The following ACAP2 variants were observed in gnomAD, a reference collection of about 807,000 sequenced individuals.
ACAP2 encodes the protein ArfGAP with coiled-coil, ankyrin repeat and PH domains 2, also known as arf-GAP with coiled-coil, ANK repeat and PH domain-containing protein 2.
A neutral mutation model predicts 115.8 loss-of-function variants in ACAP2; 39 were observed. The ratio of observed to expected loss-of-function variants is 0.34; its 90% confidence interval spans 0.26 to 0.44. The LOEUF is 0.44. ACAP2 is among the 20% of genes least tolerant of loss of function. ACAP2 has a pLI of 1.00. For synonymous variants in ACAP2, 289 were observed against 315.8 expected (o/e 0.92, Z 0.90); for missense variants, 662 against 927.6 (o/e 0.71, Z 3.72).
intron 21 of ACAP2, among the ~76,000 whole-genome samples, chr3:195,286,844 A>G (rs1378870908): frequency 6.6e-6 from 1 of 152,264 alleles, no homozygotes; most frequent in Admixed American, 6.5e-5. Flanking sequence ...CCACTGCTAT[A>G]TAGGTATTGC....
chr3:195,365,918 C>T (rs13324903), intron 4 of ACAP2, among the ~76,000 whole-genome samples: 79,798 of 150,876 alleles, frequency 0.53, 22,429 homozygotes, highest in East Asian at 0.89. Context: ...CTTAGCTCAC[C>T]GCAACCTGCA....
chr3:195,389,009 G>C (rs1192477828), intron 2 of ACAP2, among the ~76,000 whole-genome samples: 2 of 149,160 alleles, frequency 1.3e-5, no homozygotes, highest in Non-Finnish European at 3.0e-5. Flanking sequence ...GGGTGACAGA[G>C]CAAGAATCCA....
chr3:195,388,778 T>G (rs930624053), intron 2 of ACAP2, among the ~76,000 whole-genome samples: 2 of 152,204 alleles, frequency 1.3e-5, no homozygotes, highest in Non-Finnish European at 2.9e-5. Context: ...TCCCAGCACT[T>G]TGGGAGGCCA....
In ACAP2 at chr3:195,341,355, C is replaced by T. The variant is rs1436609520; in HGVS notation, c.528+1116G>A. On this transcript the variant is annotated intron_variant, in intron 6 of 22. Coordinates refer to ENST00000326793, the MANE Select transcript of ACAP2 (RefSeq NM_012287.6). ...TTTTTTTTTTTTTGAGACGGAGTCT[C>T]GCTCTGTCACCCAGGCTGGAGTGCA... 4.3e-5 allele frequency among the ~76,000 whole-genome samples: 5 copies of T among 116,330 alleles called. No individual in the cohort carries two copies. In the South Asian group the frequency reaches 1.5e-3, roughly 35 times the overall value. 76.3% of individuals were successfully genotyped at this position (116,330 alleles called of 152,430 possible). A position where few individuals can be genotyped will look rare whatever the true frequency, so the allele number is the denominator to read the frequency against.
At chr3:195,350,196 A>G (rs530332512) in intron 4 of ACAP2, among the ~76,000 whole-genome samples, 1 of 152,328 alleles carries the variant, frequency 6.6e-6, no homozygotes, top group African/African-American at 2.4e-5. Context: ...TTCCACTCCA[A>G]ATCTCAGTAG....
chr3:195,373,882 G>A (rs1577375952), intron 4 of ACAP2, among the ~76,000 whole-genome samples: 1 of 152,012 alleles, frequency 6.6e-6, no homozygotes. Flanking sequence ...CCGAGATCAC[G>A]CCATTGCACT....
At chr3:195,380,883 G>C (rs1358527959) in intron 4 of ACAP2, 126 bp downstream of exon 4, 1 of 780,566 alleles carries the variant, frequency 1.3e-6, no homozygotes, top group Non-Finnish European at 2.1e-6. Context: ...GATTCACCCA[G>C]CTAAAAAGTT....
intron 4 of ACAP2, among the ~76,000 whole-genome samples, chr3:195,375,886 C>T (rs1202321098): frequency 6.6e-6 from 1 of 152,152 alleles, no homozygotes; most frequent in Non-Finnish European, 1.5e-5. Flanking sequence ...AAGCTGCATT[C>T]AGCAAAGATA....
intron 4 of ACAP2, among the ~76,000 whole-genome samples, chr3:195,363,399 T>C (rs576980949): frequency 2.0e-5 from 3 of 152,104 alleles, no homozygotes; most frequent in Admixed American, 1.3e-4. Flanking sequence ...TCCCAGCACT[T>C]TGGGAGGCTG....
chr3:195,348,985 A>T (rs1731362313), intron 4 of ACAP2, among the ~76,000 whole-genome samples: 1 of 152,212 alleles, frequency 6.6e-6, no homozygotes, highest in Admixed American at 6.5e-5. Flanking sequence ...AATAAAAAGC[A>T]TACAGATTAG....
chr3:195,325,418 T>C, intron 9 of ACAP2: 1 of 244,206 alleles, frequency 4.1e-6, no homozygotes, highest in Non-Finnish European at 8.8e-6. Context: ...GGACTGATTT[T>C]TTTTTTTTTT....
chr3:195,383,521 A>G (rs1734085128), intron 2 of ACAP2, among the ~76,000 whole-genome samples: 1 of 152,064 alleles, frequency 6.6e-6, no homozygotes, highest in Non-Finnish European at 1.5e-5. Flanking sequence ...TTAATTATAG[A>G]TAAAGATTTA....
At position 195,381,073 on chromosome 3, in the gene ACAP2, A is replaced by T; in HGVS notation, c.232-11T>A. On this transcript the variant is annotated splice_polypyrimidine_tract_variant and intron_variant, in intron 3 of 22. Coordinates refer to ENST00000326793, the MANE Select transcript of ACAP2 (RefSeq NM_012287.6). The stretch of plus-strand genomic sequence containing the variant: ...CTTGGTCAAACTTGTCTATGAGAAA[A>T]AAAGCAAAAGAAAACCAAATCATTT... The T allele has an allele frequency of 6.3e-7, 1 of 1,588,686 alleles. No individual in the cohort carries two copies. Among genetic ancestry groups the T allele is most frequent in the Non-Finnish European group, 8.5e-7 (1 of 1,174,024 alleles).
At chr3:195,416,457 A>C (rs1327681708) in intron 1 of ACAP2, among the ~76,000 whole-genome samples, 3 of 152,104 alleles carry the variant, frequency 2.0e-5, no homozygotes, top group African/African-American at 7.2e-5. Flanking sequence ...CTGGCCATAC[A>C]AAACATAGGA....
At chr3:195,418,985 T>C (rs761614958) in intron 1 of ACAP2, among the ~76,000 whole-genome samples, 7 of 152,212 alleles carry the variant, frequency 4.6e-5, no homozygotes, top group African/African-American at 1.2e-4. Flanking sequence ...TGTATTGTTT[T>C]CTATTCTGTT....
intron 10 of ACAP2, among the ~76,000 whole-genome samples, chr3:195,315,916 T>C (rs1443034370): frequency 2.0e-5 from 3 of 152,228 alleles, no homozygotes; most frequent in Non-Finnish European, 4.4e-5. Flanking sequence ...CAAAATCGAC[T>C]TCCTTCTATT....
intron 1 of ACAP2, among the ~76,000 whole-genome samples, chr3:195,395,089 G>A (rs1274010176): frequency 2.6e-5 from 4 of 151,430 alleles, no homozygotes; most frequent in Non-Finnish European, 5.9e-5. Context: ...ACTAATAAGT[G>A]AAATAAAAGA....
At chr3:195,348,637 T>G (rs966608286) in intron 4 of ACAP2, among the ~76,000 whole-genome samples, 2 of 152,164 alleles carry the variant, frequency 1.3e-5, no homozygotes, top group Non-Finnish European at 2.9e-5. Context: ...CATGACCGAC[T>G]GGGATATATT....
chr3:195,407,034 A>G (rs891453973), intron 1 of ACAP2, among the ~76,000 whole-genome samples: 1 of 152,056 alleles, frequency 6.6e-6, no homozygotes, highest in Non-Finnish European at 1.5e-5. Flanking sequence ...AAAGGATCCT[A>G]TGAGAGAGAG....
Sources: allele counts gnomAD v4.1 joint callset (sites outside exome capture counted in the v4.1 genomes callset), GRCh38; gene constraint gnomAD v4.1.1; transcripts MANE v1.5; gene names NCBI Gene and HGNC (gene_info 2026-07-23, HGNC 2026-07-21).